IQSEC2: variants seen among roughly 807,000 people sequenced by gnomAD.
The protein encoded by IQSEC2 is IQ motif and Sec7 domain ArfGEF 2, also known as IQ motif and SEC7 domain-containing protein 2.
In IQSEC2, 6 loss-of-function variants were observed where a neutral mutation model predicts 74.6. The observed-to-expected ratio is 0.08, with a 90% CI of 0.04 to 0.16. The LOEUF (loss-of-function observed/expected upper bound fraction) is 0.16, where lower values mean the gene tolerates loss of function less well. IQSEC2 is among the 10% of genes least tolerant of loss of function. IQSEC2 has a pLI of 1.00. For synonymous variants in IQSEC2, 494 were observed against 544.5 expected (o/e 0.91, Z 1.29); for missense variants, 734 against 1,306.2 (o/e 0.56, Z 6.75).
intron 5 of IQSEC2, among the ~76,000 whole-genome samples, chrX:53,249,796 AGC>A (rs1471209253): frequency 1.8e-5 from 2 of 111,910 alleles, no homozygotes; most frequent in Non-Finnish European, 3.8e-5. Context: ...TGAAGGGTCC[AGC>A]ACACCACCCT....
At chrX:53,266,366 A>T in intron 2 of IQSEC2, 1 of 753,616 alleles carries the variant, frequency 1.3e-6, no homozygotes, top group Non-Finnish European at 1.6e-6. Flanking sequence ...TCCTTTGTAC[A>T]CAGCAACACG....
chrX:53,302,943 C>A, intron 1 of IQSEC2, among the ~76,000 whole-genome samples: 2 of 111,732 alleles, frequency 1.8e-5, no homozygotes, highest in Non-Finnish European at 3.8e-5. Context: ...TGGTGTGTGC[C>A]TATAGTCCCA....
chrX:53,251,265 G>C, intron 4 of IQSEC2, 91 bp from the exon 5 acceptor site: 24 of 956,341 alleles, frequency 2.5e-5, no homozygotes, highest in Middle Eastern at 2.9e-4. Flanking sequence ...GAGGGAGGGA[G>C]GTAAGGAAAA....
intron 10 of IQSEC2, 55 bp downstream of exon 10, chrX:53,241,729 C>G (rs1414950989): frequency 1.7e-6 from 2 of 1,195,201 alleles, no homozygotes; most frequent in East Asian, 3.0e-5. Context: ...TCACACCAGA[C>G]TTAGGTGTCA....
At chrX:53,276,698 T>C (rs1279855533) in intron 2 of IQSEC2, among the ~76,000 whole-genome samples, 2 of 112,341 alleles carry the variant, frequency 1.8e-5, no homozygotes, top group Non-Finnish European at 3.8e-5. Flanking sequence ...AAAAATTCTT[T>C]ACCAAGTTAA....
intron 2 of IQSEC2, among the ~76,000 whole-genome samples, chrX:53,257,940 G>A (rs782255629): frequency 9.0e-6 from 1 of 111,721 alleles, no homozygotes; most frequent in Non-Finnish European, 1.9e-5. Context: ...AATCCAGGCA[G>A]TCTGACTCCA....
chrX:53,252,949 C>G (rs888461338), intron 4 of IQSEC2, among the ~76,000 whole-genome samples: 2 of 111,809 alleles, frequency 1.8e-5, no homozygotes, highest in African/African-American at 6.5e-5. Flanking sequence ...CCTGGTTTCT[C>G]TCTTTTTAGC....
At chrX:53,288,527 C>G (rs994981819) in intron 2 of IQSEC2, among the ~76,000 whole-genome samples, 27 of 111,194 alleles carry the variant, frequency 2.4e-4, no homozygotes, top group Non-Finnish European at 4.0e-4. Flanking sequence ...CCTGGGCCCC[C>G]TCATCTTCTG....
intron 2 of IQSEC2, among the ~76,000 whole-genome samples, chrX:53,280,028 C>T (rs782803620): frequency 2.1e-4 from 23 of 109,014 alleles, no homozygotes; most frequent in East Asian, 5.9e-4. Flanking sequence ...CAGAACACAA[C>T]GACAACAGGG....
intron 4 of IQSEC2, 75 bp from the exon 5 acceptor site, chrX:53,251,249 G>A (rs782372967): frequency 4.8e-5 from 50 of 1,045,528 alleles, no homozygotes; most frequent in Non-Finnish European, 6.4e-5. Flanking sequence ...GGTGGAAGGT[G>A]GGAATGAGGG....
At chrX:53,310,703 C>A (rs1254113649) in intron 1 of IQSEC2, among the ~76,000 whole-genome samples, 3 of 111,350 alleles carry the variant, frequency 2.7e-5, no homozygotes, top group African/African-American at 9.8e-5. Context: ...GGATGAGAGA[C>A]CTGGCTGTCA....
At chrX:53,296,111 C>T (rs374268277) in intron 1 of IQSEC2, among the ~76,000 whole-genome samples, 2 of 108,785 alleles carry the variant, frequency 1.8e-5, no homozygotes, top group South Asian at 8.2e-4. Flanking sequence ...TCTTGGCTCA[C>T]TGCAACCTCC....
downstream of IQSEC2, chrX:53,225,997 C>CT (rs1349743307): frequency 8.9e-6 from 1 of 112,689 alleles, no homozygotes; most frequent in African/African-American, 3.2e-5. Context: ...TGTATGTATA[C>CT]TTTAACTATT....
At chrX:53,273,265 G>A (rs1379934601) in intron 2 of IQSEC2, among the ~76,000 whole-genome samples, 1 of 110,409 alleles carries the variant, frequency 9.1e-6, no homozygotes, top group Non-Finnish European at 1.9e-5. Context: ...TTCCCAGATG[G>A]GGTTAATTGC....
chrX:53,283,444 G>A (rs782677388), intron 2 of IQSEC2, among the ~76,000 whole-genome samples: 12 of 111,984 alleles, frequency 1.1e-4, no homozygotes, highest in Middle Eastern at 4.6e-3. Flanking sequence ...AGTTCTTGTA[G>A]GGATTTGGTA....
intron 3 of IQSEC2, 72 bp from the exon 4 acceptor site, chrX:53,255,003 C>T: frequency 3.8e-6 from 4 of 1,041,929 alleles, no homozygotes; most frequent in Non-Finnish European, 5.3e-6. Flanking sequence ...CACTCAACCA[C>T]ACCACCCCCA....
intron 14 of IQSEC2, among the ~76,000 whole-genome samples, 153 bp from the exon 15 acceptor site, chrX:53,235,337 G>A (rs2074110989): frequency 9.0e-6 from 1 of 111,518 alleles, no homozygotes; most frequent in African/African-American, 3.3e-5. Flanking sequence ...CGTATGTGGA[G>A]CTCCCCAGCT....
intron 7 of IQSEC2, among the ~76,000 whole-genome samples, chrX:53,247,722 G>A (rs1282596926): frequency 8.9e-6 from 1 of 112,072 alleles, no homozygotes; most frequent in Admixed American, 9.5e-5. Flanking sequence ...ATGAGCCTGG[G>A]CAAGTTACTT....
At chrX:53,266,670 T>G in intron 2 of IQSEC2, 1 of 866,294 alleles carries the variant, frequency 1.2e-6, no homozygotes. Flanking sequence ...GGAGTGCGGG[T>G]ACGGGAGGAT....
Sources: gnomAD v4.1 joint callset for allele counts (sites outside exome capture counted in the v4.1 genomes callset) on GRCh38, gnomAD v4.1.1 for gene constraint, MANE v1.5 for transcripts, NCBI Gene and HGNC (gene_info 2026-07-23, HGNC 2026-07-21) for gene names.